Variants in TTN observed in about 807,000 individuals in gnomAD.
TTN encodes the protein titin.
A neutral mutation model predicts 3,223.0 loss-of-function variants in TTN; 1,525 were observed. The observed-to-expected ratio is 0.47, with a 90% CI of 0.45 to 0.49. TTN has a LOEUF of 0.49. TTN is among the 20% of genes least tolerant of loss of function. The probability of loss-of-function intolerance (pLI) is 0.00; values close to 1 mark genes in which losing one functional copy is unlikely to be tolerated. For synonymous variants in TTN, 14,094 were observed against 15,161.0 expected (o/e 0.93, Z 5.17); for missense variants, 40,786 against 43,424.0 (o/e 0.94, Z 5.40).
intron 49 of TTN, among the ~76,000 whole-genome samples, 187 bp from the exon 50 acceptor site, chr2:178,736,261 A>G (rs1323632607): frequency 6.6e-6 from 1 of 152,198 alleles, no homozygotes; most frequent in African/African-American, 2.4e-5. Flanking sequence ...GTTCTTTATA[A>G]GGGAGCAAGA....
Position 178,534,619 on chromosome 2 carries a change from C to T in TTN, c.101996G>A (p.Trp33999Ter), listed in dbSNP as rs869312068. 2 of 1,613,690 alleles carry T rather than the reference C, an allele frequency of 1.2e-6. No homozygotes were observed. Among genetic ancestry groups the T allele is most frequent in the Non-Finnish European group, 1.7e-6 (2 of 1,179,678 alleles). Residue 33999 changes from tryptophan (W) to a stop codon, truncating the protein, a stop_gained, in exon 358 of 363, where the codon TGG (tryptophan) becomes TAG (stop). Transcript: ENST00000589042. LOFTEE classifies it high-confidence loss of function. Reference protein sequence around the residue: ...HDVVSTATDMWSLGTLVYVLL... With the variant: ...HDVVSTATDM ...CACATATACCAGTGTTCCAAGTGAC[C>T]ACATGTCTGTGGCTGTGCTGACAAC...
At position 178,528,673 on chromosome 2, in the gene TTN, G is replaced by T; in HGVS notation, c.107078C>A (p.Thr35693Lys). Reference protein sequence around the residue: ...EGIVKCQYDLTLSKELSDAPA... With the variant: ...EGIVKCQYDLKLSKELSDAPA... ...AGCATCTGAGAGTTCTTTGCTCAGT[G>T]TCAAATCATACTGACACTTGACGAT... The change falls in exon 360 of 363, where the codon ACA becomes AAA. Residue 35693 changes from threonine to lysine, a missense_variant. Transcript: ENST00000589042. The T allele has an allele frequency of 1.2e-6, 2 of 1,613,326 alleles. No individual in the cohort carries two copies. The highest frequency in any genetic ancestry group is 4.5e-5 in the East Asian group (2 of 44,860).
rs2060253419 is a variant in TTN at position 178,634,978 on chromosome 2, A to G, written c.42025-129T>C. 2 of 1,372,656 alleles carry G rather than the reference A, an allele frequency of 1.5e-6. No individual in the cohort carries two copies. Among genetic ancestry groups the G allele is most frequent in the Non-Finnish European group, 9.7e-7 (1 of 1,033,032 alleles). 85.0% of individuals were successfully genotyped at this position (1,372,656 alleles called of 1,614,324 possible). ...AAAAGTAAGCAGAGAATTCCCTGTC[A>G]TAACATTTTACACAAATTGTTCAAG... On this transcript the variant is annotated intron_variant, in intron 228 of 362. Coordinates refer to ENST00000589042, the MANE Select transcript of TTN (RefSeq NM_001267550.2). The surrounding 1 kb of genome is among the most constrained non-coding windows in gnomAD (Gnocchi z 4.6).
chr2:178,748,160 T>A lies in TTN; in HGVS notation c.11311+4964A>T, dbSNP rs149586047. The A allele has an allele frequency of 5.0e-5, 80 of 1,613,168 alleles. No homozygotes were observed. The African/African-American group carries it at 8.9e-4, about 18-fold the overall frequency. On this transcript the variant is annotated intron_variant, in intron 47 of 362. Transcript: ENST00000589042. ...TAGAGGACAACTTTTCTCAGAAAGA[T>A]CAGTTTCTTCTATATCTGCAGATGA...
At chr2:178,803,536 T>C (rs1421207219) in intron 2 of TTN, among the ~76,000 whole-genome samples, 2 of 151,840 alleles carry the variant, frequency 1.3e-5, no homozygotes, top group Non-Finnish European at 2.9e-5. Context: ...ATATGATATT[T>C]GTACAATGTA....
chr2:178,671,421 A>C (rs1357308169), intron 155 of TTN, among the ~76,000 whole-genome samples: 1 of 151,752 alleles, frequency 6.6e-6, no homozygotes, highest in Non-Finnish European at 1.5e-5. Flanking sequence ...CAAGATCTAG[A>C]GTGGTATTGC....
chr2:178,546,264 T>C lies in TTN; in HGVS notation c.95067A>G (p.Thr31689=), dbSNP rs879149440. ...DRSDSGKYTL[T]VKNASGTKAV... ...CCTTGGTCCCGCTGGCATTTTTCAC[T>C]GTTAAAGTGTATTTTCCACTGTCAC... Residue 31689 remains threonine (T), a synonymous_variant, in exon 342 of 363, where the codon ACA becomes ACG. Transcript: ENST00000589042. The C allele has an allele frequency of 3.1e-6, 5 of 1,613,634 alleles. No individual in the cohort carries two copies. Among genetic ancestry groups the C allele is most frequent in the African/African-American group, 1.3e-5 (1 of 74,928 alleles).
intron 146 of TTN, 163 bp from the exon 147 acceptor site, chr2:178,677,450 C>G: frequency 1.4e-6 from 1 of 726,148 alleles, no homozygotes; most frequent in Non-Finnish European, 2.0e-6. Flanking sequence ...TAGACAGATA[C>G]ACAAGGCAGA....
rs1375582195 is a variant in TTN at position 178,777,201 on chromosome 2, C to T, written c.4762G>A (p.Val1588Ile). The T allele has an allele frequency of 3.1e-6, 5 of 1,614,002 alleles. No individual in the cohort carries two copies. Among genetic ancestry groups the T allele is most frequent in the African/African-American group, 2.7e-5 (2 of 74,924 alleles). ...RATGNPNPDI[V>I]WLKNSDIIVP... ...ATGATGTCACTGTTTTTCAACCATA[C>T]AATGTCAGGGTTGGGGTTACCCGTA... The change falls in exon 27 of 363, where the codon GTA becomes ATA. Residue 1588 changes from valine to isoleucine, a missense_variant. By Grantham distance (29) the Val-to-Ile change is conservative. Coordinates refer to ENST00000589042, the MANE Select transcript of TTN (RefSeq NM_001267550.2).
At chr2:178,700,314 G>A (rs1577641748) in intron 111 of TTN, among the ~76,000 whole-genome samples, 1 of 152,334 alleles carries the variant, frequency 6.6e-6, no homozygotes, top group East Asian at 1.9e-4. Flanking sequence ...AAGGCTGGCT[G>A]AAAAATAGGT....
In TTN at chr2:178,558,171, G is replaced by A. The variant is rs372776235; in HGVS notation, c.87183C>T (p.Asn29061=). ...CAGAGATTGGAATGTCAACTTTAAG[G>A]TTTGAACCAGCTCTAACATATACAG... ...SHTVYVRAGS[N]LKVDIPISGK... Residue 29061 remains asparagine, a synonymous_variant, in exon 328 of 363, where the codon AAC becomes AAT. Transcript: ENST00000589042. 3.7e-6 allele frequency: 6 copies of A among 1,613,606 alleles called. No homozygotes were observed. Among genetic ancestry groups the A allele is most frequent in the Non-Finnish European group, 4.2e-6 (5 of 1,179,828 alleles).
Position 178,559,222 on chromosome 2 carries a change from A to C in TTN, c.86821+89T>G, listed in dbSNP as rs571766302. The C allele has an allele frequency of 1.8e-5, 22 of 1,249,752 alleles. No individual in the cohort carries two copies. The South Asian group carries it at 2.2e-4, about 12-fold the overall frequency. 77.4% of individuals were successfully genotyped at this position (1,249,752 alleles called of 1,614,324 possible). ...GAAGGGTGTGAACCCAAAAGCATTT[A>C]AGATGAAATAACGACTAATTAGAAT... On this transcript the variant is annotated intron_variant, in intron 326 of 362. Coordinates refer to ENST00000589042, the MANE Select transcript of TTN (RefSeq NM_001267550.2).
chr2:178,695,961 A>G lies in TTN; in HGVS notation c.31111T>C (p.Tyr10371His), dbSNP rs1418068427. Residue 10371 changes from tyrosine (Y) to histidine (H), a missense_variant, in exon 114 of 363, where the codon TAT becomes CAT. By Grantham distance (83) the Tyr-to-His change is moderately conservative. Coordinates refer to ENST00000589042, the MANE Select transcript of TTN (RefSeq NM_001267550.2). ...TCGTCATAGCCTTCTTCCCTTTCATAGTATTCTTGCCCTTCTTCAAAATCT... is the reference window on the plus strand; with the variant it reads ...TCGTCATAGCCTTCTTCCCTTTCATGGTATTCTTGCCCTTCTTCAAAATCT... ...EEDFEEGQEY[Y>H]EREEGYDEGE... 1 of 1,535,906 alleles carries G rather than the reference A, an allele frequency of 6.5e-7. No homozygotes were observed. Among genetic ancestry groups the G allele is most frequent in the African/African-American group, 1.4e-5 (1 of 72,190 alleles).
chr2:178,771,353 G>T lies in TTN; in HGVS notation c.7974C>A (p.His2658Gln), dbSNP rs1158775069. The part of the protein sequence containing the change: ...SKGEWLRDGK[H>Q]LPLTNNIRSE... ...TTCTGATGTTGTTAGTCAGTGGTAG[G>T]TGTTTGCCATCCCTCAACCATTCGC... The change falls in exon 34 of 363, where the codon CAC becomes CAA. Residue 2658 changes from histidine (H) to glutamine (Q), a missense_variant. Transcript: ENST00000589042. 1 of 1,614,060 alleles carries T rather than the reference G, an allele frequency of 6.2e-7. No individual in the cohort carries two copies. Among genetic ancestry groups the T allele is most frequent in the Non-Finnish European group, 8.5e-7 (1 of 1,180,002 alleles).
intron 109 of TTN, 83 bp from the exon 110 acceptor site, chr2:178,701,670 T>A (rs2075028946): frequency 5.2e-6 from 7 of 1,346,568 alleles, no homozygotes; most frequent in Non-Finnish European, 7.4e-6. Flanking sequence ...ATTTATTAGA[T>A]CCTGAGATAT....
intron 211 of TTN, 52 bp downstream of exon 211, chr2:178,649,765 G>T: frequency 6.4e-7 from 1 of 1,574,692 alleles, no homozygotes; most frequent in Non-Finnish European, 8.7e-7. Context: ...AATAAGAAGA[G>T]TGTAAAATTG....
chr2:178,686,337 G>A (rs1481137591), intron 127 of TTN, among the ~76,000 whole-genome samples: 1 of 150,836 alleles, frequency 6.6e-6, no homozygotes, highest in African/African-American at 2.4e-5. Context: ...AGCCGGGATG[G>A]TCTCGATCTC....
chr2:178,558,007 T>C lies in TTN; in HGVS notation c.87347A>G (p.Glu29116Gly). ...ESVTADAGRY[E>G]ITAANSSGTT... is the part of the protein sequence containing the mutation. ...ACCACTGGAGTTGGCAGCAGTGATT[T>C]CATATCTCCCAGCGTCAGCTGTAAC... Residue 29116 changes from glutamate to glycine, a missense_variant, in exon 328 of 363, where the codon GAA becomes GGA. Physicochemically the swap from Glu to Gly is moderately conservative, Grantham distance 98. Coordinates refer to ENST00000589042, the MANE Select transcript of TTN (RefSeq NM_001267550.2). 6.2e-7 allele frequency: 1 copy of C among 1,613,826 alleles called. No individual in the cohort carries two copies.
Position 178,559,535 on chromosome 2 carries a change from C to G in TTN, c.86597G>C (p.Trp28866Ser), listed in dbSNP as rs779438420. The G allele has an allele frequency of 1.2e-6, 2 of 1,613,756 alleles. No individual in the cohort carries two copies. Among genetic ancestry groups the G allele is most frequent in the Non-Finnish European group, 1.7e-6 (2 of 1,179,736 alleles). ...DVTKESAVLS[W>S]DVPENDGGAP... The stretch of plus-strand genomic sequence containing the variant: ...TCCACCATCGTTTTCAGGAACATCC[C>G]AGGATAACACTGCAGACTCTTTGGT... The change falls in exon 326 of 363, where the codon TGG (tryptophan) becomes TCG (serine). Residue 28866 changes from tryptophan (W) to serine (S), a missense_variant. Coordinates refer to ENST00000589042, the MANE Select transcript of TTN (RefSeq NM_001267550.2).
Sources: allele counts gnomAD v4.1 joint callset (sites outside exome capture counted in the v4.1 genomes callset), GRCh38; gene constraint gnomAD v4.1.1; non-coding constraint Gnocchi (gnomAD v3.1); transcripts MANE v1.5; gene names NCBI Gene and HGNC (gene_info 2026-07-23, HGNC 2026-07-21).